Variants in MEIS2 observed in about 807,000 individuals in gnomAD.
MEIS2 encodes Meis homeobox 2, also known as homeobox protein Meis2.
In MEIS2, 9 loss-of-function variants were observed where a neutral mutation model predicts 58.6. The observed-to-expected ratio is 0.15, with a 90% CI of 0.09 to 0.27. The LOEUF (loss-of-function observed/expected upper bound fraction) is 0.27, where lower values mean the gene tolerates loss of function less well. Ranked by LOEUF, MEIS2 falls within the 10% of genes least tolerant of loss-of-function variation. The probability of loss-of-function intolerance (pLI) is 1.00; values close to 1 mark genes in which losing one functional copy is unlikely to be tolerated. For synonymous variants in MEIS2, 221 were observed against 228.4 expected, an observed-to-expected ratio of 0.97 and a Z score of 0.29; for missense variants, 427 against 635.0, an observed-to-expected ratio of 0.67 and a Z score of 3.52.
intron 7 of MEIS2, among the ~76,000 whole-genome samples, chr15:37,052,212 G>A (rs1353563272): frequency 6.6e-6 from 1 of 152,142 alleles, no homozygotes; most frequent in Non-Finnish European, 1.5e-5. Context: ...GCCCTTGCCA[G>A]CCTGCTCCAT....
rs557300361 is a variant in MEIS2 at position 37,091,021 on chromosome 15, T to C, written c.639+2560A>G. Among the ~76,000 whole-genome samples the C allele has an allele frequency of 2.8e-4, 42 of 152,268 alleles. 1 individual carries two copies. The South Asian group carries it at 8.5e-3, about 31-fold the overall frequency. ...ATGAGATCCAGCCTGGGGCAATGTA[T>C]TAAATATGCATATCAAAGCAAATGA... On this transcript the variant is annotated intron_variant, in intron 6 of 11. Transcript: ENST00000561208.
At chr15:37,083,731 TC>T in intron 7 of MEIS2, 39 bp downstream of exon 7, 1 of 1,541,698 alleles carries the variant, frequency 6.5e-7, no homozygotes, top group Non-Finnish European at 8.9e-7. Context: ...GTTATTTTAG[TC>T]ATGCCTACTT....
At position 36,892,256 on chromosome 15, in the gene MEIS2, T is replaced by C. The variant is rs1481495476; in HGVS notation, c.1351A>G (p.Thr451Ala). The C allele has an allele frequency of 1.2e-6, 2 of 1,614,034 alleles. No homozygotes were observed. The highest frequency in any genetic ancestry group is 4.5e-5 in the East Asian group (2 of 44,890). Reference protein sequence around the residue: ...HGGPPTHPGMTMSAQSPTMLN... With the variant: ...HGGPPTHPGMAMSAQSPTMLN... The stretch of plus-strand genomic sequence containing the variant: ...ATTGTGGGGCTCTGTGCTGACATAG[T>C]CATTCCAGGGTGGGTAGGGGGTCCT... Residue 451 changes from threonine (T) to alanine (A), a missense_variant, in exon 12 of 12, where the codon ACT (threonine) becomes GCT (alanine). Thr to Ala is a moderately conservative substitution (Grantham distance 58). Coordinates refer to ENST00000561208, the MANE Select transcript of MEIS2 (RefSeq NM_170675.5).
intron 7 of MEIS2, among the ~76,000 whole-genome samples, chr15:37,067,823 T>C (rs1351811650): frequency 6.6e-6 from 1 of 152,154 alleles, no homozygotes; most frequent in Non-Finnish European, 1.5e-5. Context: ...TGTTCTCTTG[T>C]TTTAAGAAAT....
intron 7 of MEIS2, among the ~76,000 whole-genome samples, chr15:37,048,282 T>A (rs2062763704): frequency 6.6e-6 from 1 of 152,164 alleles, no homozygotes; most frequent in Non-Finnish European, 1.5e-5. Context: ...TTTTCTAACT[T>A]ATTGTCTCTT....
intron 8 of MEIS2, among the ~76,000 whole-genome samples, chr15:37,028,989 G>A (rs2061807827): frequency 6.6e-6 from 1 of 151,420 alleles, no homozygotes; most frequent in Admixed American, 6.6e-5. Context: ...GGAATGCTTA[G>A]GACAGCATGT....
intron 7 of MEIS2, among the ~76,000 whole-genome samples, chr15:37,039,122 G>A (rs557415819): frequency 1.3e-5 from 2 of 152,224 alleles, no homozygotes; most frequent in African/African-American, 4.8e-5. Context: ...AGCAGTACCC[G>A]GAGATGAGGA....
chr15:36,953,388 T>G (rs963284190), intron 8 of MEIS2, among the ~76,000 whole-genome samples: 1 of 152,216 alleles, frequency 6.6e-6, no homozygotes, highest in Admixed American at 6.5e-5. Context: ...AACTTTGGTA[T>G]GCTTGCACTT....
At chr15:37,031,207 G>A (rs1487026066) in intron 8 of MEIS2, among the ~76,000 whole-genome samples, 2 of 152,162 alleles carry the variant, frequency 1.3e-5, no homozygotes, top group Non-Finnish European at 2.9e-5. Flanking sequence ...TATGAAAAAT[G>A]AGGCGCAGAG....
intron 7 of MEIS2, among the ~76,000 whole-genome samples, chr15:37,041,040 G>A (rs1428579334): frequency 2.0e-5 from 3 of 152,322 alleles, no homozygotes; most frequent in Admixed American, 6.5e-5. Context: ...CATGAATGAG[G>A]TTAGCAGCCA....
intron 9 of MEIS2, chr15:36,897,525 T>TTAA (rs1275039092): frequency 6.6e-6 from 1 of 152,220 alleles, no homozygotes; most frequent in Admixed American, 6.5e-5. Context: ...TCATGTTACT[T>TTAA]TAATGTTTAA....
At chr15:36,962,578 T>C (rs890155228) in intron 8 of MEIS2, among the ~76,000 whole-genome samples, 32 of 152,332 alleles carry the variant, frequency 2.1e-4, no homozygotes, top group Admixed American at 1.8e-3. Flanking sequence ...GTCTTTTTTT[T>C]CATGAGTATT....
At chr15:36,993,860 A>G (rs757179588) in intron 8 of MEIS2, among the ~76,000 whole-genome samples, 17 of 152,184 alleles carry the variant, frequency 1.1e-4, no homozygotes, top group Non-Finnish European at 2.5e-4. Context: ...GAGAGATTAC[A>G]TATATATAAA....
chr15:37,063,742 A>G (rs1476612454), intron 7 of MEIS2, among the ~76,000 whole-genome samples: 1 of 152,240 alleles, frequency 6.6e-6, no homozygotes, highest in Non-Finnish European at 1.5e-5. Flanking sequence ...GTATCTGGAA[A>G]GATGGTGATT....
rs895295470 is a variant in MEIS2, at chr15:36,891,372, A to T, written c.*801T>A. The T allele has an allele frequency of 4.6e-5, 7 of 151,992 alleles. No individual in the cohort carries two copies. The highest frequency in any genetic ancestry group is 7.4e-5 in the Non-Finnish European group (5 of 67,996). 9.4% of individuals were successfully genotyped at this position (151,992 alleles called of 1,614,324 possible). A position where few individuals can be genotyped will look rare whatever the true frequency, so the allele number is the denominator to read the frequency against. On this transcript the variant is annotated 3_prime_UTR_variant, in exon 12 of 12. Coordinates refer to ENST00000561208, the MANE Select transcript of MEIS2 (RefSeq NM_170675.5). ...TTATCCCCCAAGCTTTGAGTTTCTG[A>T]TAAAGTCCTAGTTATGGTTCAATGA...
chr15:37,072,650 A>G (rs551773616), intron 7 of MEIS2, among the ~76,000 whole-genome samples: 1 of 152,158 alleles, frequency 6.6e-6, no homozygotes, highest in African/African-American at 2.4e-5. Context: ...GGAAACACCC[A>G]CTGAAGGCCA....
intron 7 of MEIS2, among the ~76,000 whole-genome samples, chr15:37,051,409 C>A (rs553626821): frequency 7.2e-5 from 11 of 152,194 alleles, no homozygotes; most frequent in Non-Finnish European, 1.6e-4. Context: ...CTAGAAAATG[C>A]AAACTTATAC....
intron 7 of MEIS2, among the ~76,000 whole-genome samples, chr15:37,057,703 C>CT (rs1802445813): frequency 6.6e-6 from 1 of 151,812 alleles, no homozygotes; most frequent in Non-Finnish European, 1.5e-5. Context: ...CTTTACTAGG[C>CT]TTTTTTGTCT....
At chr15:36,900,876 C>T (rs1004377549) in intron 9 of MEIS2, 7 of 152,212 alleles carry the variant, frequency 4.6e-5, no homozygotes, top group African/African-American at 1.7e-4. Context: ...TCTCCACCCC[C>T]CAATCTTTTT....
Sources: gnomAD v4.1 joint callset for allele counts (sites outside exome capture counted in the v4.1 genomes callset) on GRCh38, gnomAD v4.1.1 for gene constraint, MANE v1.5 for transcripts, NCBI Gene and HGNC (gene_info 2026-07-23, HGNC 2026-07-21) for gene names.